The following MAP3K20 variants were observed in gnomAD, a reference collection of about 807,000 sequenced individuals.
MAP3K20 encodes the protein mitogen-activated protein kinase kinase kinase 20.
Under a neutral mutation model 85.7 loss-of-function variants are expected in MAP3K20, and 40 were observed. That is an observed-to-expected ratio of 0.47 (90% CI 0.36 to 0.61). The LOEUF (loss-of-function observed/expected upper bound fraction) is 0.61, where lower values mean the gene tolerates loss of function less well. Among genes scored for constraint, MAP3K20 ranks in the 20% least tolerant of loss-of-function variants. The pLI, the probability that MAP3K20 is intolerant of heterozygous loss-of-function variation, is 0.00. For synonymous variants in MAP3K20, 325 were observed against 327.7 expected (o/e 0.99, Z 0.09); for missense variants, 817 against 961.7 (o/e 0.85, Z 1.99).
chr2:173,102,174 G>C (rs1398141633), intron 2 of MAP3K20, among the ~76,000 whole-genome samples: 1 of 152,140 alleles, frequency 6.6e-6, no homozygotes, highest in African/African-American at 2.4e-5. Context: ...TAAATGAAAA[G>C]AATAATAAAC....
At chr2:173,264,401 G>C (rs573161073) in intron 19 of MAP3K20, among the ~76,000 whole-genome samples, 10 of 151,946 alleles carry the variant, frequency 6.6e-5, no homozygotes, top group Non-Finnish European at 1.3e-4. Flanking sequence ...CTTTGCCCTC[G>C]GCTCCTCTCC....
chr2:173,248,737 G>C (rs768807854), intron 16 of MAP3K20, among the ~76,000 whole-genome samples: 5 of 152,068 alleles, frequency 3.3e-5, no homozygotes, highest in Non-Finnish European at 5.9e-5. Flanking sequence ...CCGATTTCAA[G>C]TTACCAATCT....
At chr2:173,127,594 C>T (rs1688478958) in intron 2 of MAP3K20, among the ~76,000 whole-genome samples, 1 of 152,084 alleles carries the variant, frequency 6.6e-6, no homozygotes, top group South Asian at 2.1e-4. Context: ...TAAACCGAAC[C>T]TTTCTTCTTT....
At chr2:173,136,449 A>G (rs1688802651) in intron 2 of MAP3K20, among the ~76,000 whole-genome samples, 1 of 152,220 alleles carries the variant, frequency 6.6e-6, no homozygotes, top group Admixed American at 6.5e-5. Flanking sequence ...TCAGCTTTAA[A>G]TTGGCATTTT....
At chr2:173,185,474 G>A (rs1690459241) in intron 4 of MAP3K20, among the ~76,000 whole-genome samples, 2 of 152,012 alleles carry the variant, frequency 1.3e-5, no homozygotes, top group South Asian at 4.1e-4. Flanking sequence ...AATGACTTCA[G>A]CTTTCTCTGA....
intron 1 of MAP3K20, 100 bp downstream of exon 1, chr2:173,076,102 G>A (rs1686847216): frequency 2.1e-5 from 18 of 877,400 alleles, no homozygotes; most frequent in Admixed American, 6.2e-5. Flanking sequence ...GGCTCCGCCG[G>A]AGCCCGGGAG....
chr2:173,145,693 G>T (rs369999658), intron 2 of MAP3K20, among the ~76,000 whole-genome samples: 31 of 152,178 alleles, frequency 2.0e-4, no homozygotes, highest in African/African-American at 7.2e-4. Flanking sequence ...ACCTCTTTGG[G>T]ATGCTCTTTG....
chr2:173,088,275 G>C (rs191358554), intron 1 of MAP3K20, among the ~76,000 whole-genome samples: 29 of 152,254 alleles, frequency 1.9e-4, no homozygotes, highest in African/African-American at 6.7e-4. Context: ...TGGCACTGCT[G>C]GGAATAATGT....
chr2:173,095,098 G>A (rs775150341), intron 2 of MAP3K20, among the ~76,000 whole-genome samples: 5 of 151,984 alleles, frequency 3.3e-5, no homozygotes, highest in East Asian at 3.8e-4. Context: ...TTGTTTGATC[G>A]TATACTTAAA....
At position 173,258,782 on chromosome 2, in the gene MAP3K20, C is replaced by A. The variant is rs547225265; in HGVS notation, c.1443C>A (p.Asn481Lys). ...TAAAAGATGTGACATTCAACACTAA[C>A]CTACCTGATGCGGAGATTTTAAAGA... ...TYIKDVTFNT[N>K]LPDAEILKMT... The change falls in exon 17 of 20, where the codon AAC (asparagine) becomes AAA (lysine). Residue 481 changes from asparagine (N) to lysine (K), a missense_variant. Transcript: ENST00000375213. The A allele has an allele frequency of 6.2e-7, 1 of 1,611,548 alleles. No individual in the cohort carries two copies. Among genetic ancestry groups the A allele is most frequent in the Admixed American group, 1.7e-5 (1 of 59,940 alleles).
intron 2 of MAP3K20, among the ~76,000 whole-genome samples, chr2:173,169,253 C>T (rs1017057458): frequency 3.9e-5 from 6 of 152,130 alleles, no homozygotes; most frequent in African/African-American, 7.2e-5. Context: ...TCATTCTCCT[C>T]CATTATCAGT....
At position 173,089,916 on chromosome 2, in the gene MAP3K20, C is replaced by CA. The variant is rs371090711; in HGVS notation, c.-34-1076dup. Among the ~76,000 whole-genome samples the CA allele has an allele frequency of 2.2e-3, 332 of 151,776 alleles. 1 individual carries two copies. Among genetic ancestry groups the CA allele is most frequent in the African/African-American group, 7.2e-3 (299 of 41,384 alleles). ...TTTCCTTATGCTAGAAGTTTTTCTG[C>CA]AAAAAACAAACAAAAAAAAACTTTC... On this transcript the variant is annotated intron_variant, in intron 1 of 19. Transcript: ENST00000375213.
Position 173,266,288 on chromosome 2 carries a change from C to T in MAP3K20, c.1941C>T (p.Phe647=), listed in dbSNP as rs772497418. Residue 647 remains phenylalanine (F), a synonymous_variant, in exon 20 of 20, where the codon TTC becomes TTT. Coordinates refer to ENST00000375213, the MANE Select transcript of MAP3K20 (RefSeq NM_016653.3). ...CTCAGTATGGACTGACCAAAAACTT[C>T]TCTTCCCTACATCTCAACTCTAGGG... The part of the protein sequence containing the change: ...SPTQYGLTKN[F]SSLHLNSRDS... 61 of 1,614,110 alleles carry T rather than the reference C, an allele frequency of 3.8e-5. No individual in the cohort carries two copies. The South Asian group carries it at 6.6e-4, about 17-fold the overall frequency.
At chr2:173,260,022 C>A (rs770588291) in intron 17 of MAP3K20, among the ~76,000 whole-genome samples, 6 of 152,104 alleles carry the variant, frequency 3.9e-5, no homozygotes, top group Non-Finnish European at 7.4e-5. Context: ...TAAACATCAA[C>A]CGAAACAATA....
At chr2:173,229,135 T>C (rs1684458608) in intron 11 of MAP3K20, among the ~76,000 whole-genome samples, 11 of 152,238 alleles carry the variant, frequency 7.2e-5, no homozygotes, top group Admixed American at 7.2e-4. Flanking sequence ...TAATCTGTTT[T>C]AGTTAGAGCA....
chr2:173,248,002 G>GA (rs889690249), intron 16 of MAP3K20, among the ~76,000 whole-genome samples: 2 of 152,182 alleles, frequency 1.3e-5, no homozygotes, highest in Non-Finnish European at 2.9e-5. Context: ...TGAGGTAAGC[G>GA]AAAGTCATTA....
At chr2:173,186,559 A>T (rs1690491085) in intron 4 of MAP3K20, among the ~76,000 whole-genome samples, 1 of 152,178 alleles carries the variant, frequency 6.6e-6, no homozygotes, top group Non-Finnish European at 1.5e-5. Context: ...TAGAAGAATA[A>T]AGATTTAAAA....
chr2:173,236,382 T>TA (rs144819054), intron 14 of MAP3K20, among the ~76,000 whole-genome samples: 19,479 of 148,738 alleles, frequency 0.13, 1,855 homozygotes, highest in East Asian at 0.56. Context: ...CACTTAAAAG[T>TA]AAAAAAAAAA....
At chr2:173,240,439 T>TGGAAATTGTTGTGA (rs1405601502) in intron 16 of MAP3K20, among the ~76,000 whole-genome samples, 5 of 152,192 alleles carry the variant, frequency 3.3e-5, no homozygotes, top group Non-Finnish European at 7.3e-5. Flanking sequence ...TGGGAATGAC[T>TGGAAATTGTTGTGA]GGAAATTGTT....
Sources: allele counts gnomAD v4.1 joint callset (sites outside exome capture counted in the v4.1 genomes callset), GRCh38; gene constraint gnomAD v4.1.1; transcripts MANE v1.5; gene names NCBI Gene and HGNC (gene_info 2026-07-23, HGNC 2026-07-21).